Variants in OPRM1 observed in about 807,000 individuals in gnomAD.
The protein encoded by OPRM1 is opioid receptor mu 1.
Under a neutral mutation model 31.8 loss-of-function variants are expected in OPRM1, and 27 were observed. The ratio of observed to expected loss-of-function variants is 0.85; its 90% CI spans 0.63 to 1.17. The LOEUF (loss-of-function observed/expected upper bound fraction) is 1.17, where lower values mean the gene tolerates loss of function less well. Among genes scored for constraint, OPRM1 ranks in the 50% most tolerant of loss-of-function variants. The pLI is 0.00. For missense variants in OPRM1, 536 were observed against 511.1 expected, an observed-to-expected ratio of 1.05 and a Z score of -0.47; for synonymous variants, 196 against 189.9, an observed-to-expected ratio of 1.03 and a Z score of -0.26.
intron 3 of OPRM1, among the ~76,000 whole-genome samples, chr6:154,100,159 G>A (rs62436476): frequency 0.73 from 49,167 of 67,584 alleles, 18,723 homozygotes; most frequent in East Asian, 0.87. Flanking sequence ...ATATTATGAC[G>A]TATCATAATA....
At chr6:154,165,947 A>G (rs950195080) in intron 3 of OPRM1, among the ~76,000 whole-genome samples, 9 of 152,354 alleles carry the variant, frequency 5.9e-5, no homozygotes, top group Middle Eastern at 3.4e-3. Context: ...GCAACCTGAA[A>G]GGACCTGAAT....
chr6:154,195,653 A>G (rs1181263831), intron 3 of OPRM1, among the ~76,000 whole-genome samples: 3 of 151,796 alleles, frequency 2.0e-5, no homozygotes, highest in Non-Finnish European at 4.4e-5. Flanking sequence ...CTCTCTTTTA[A>G]ACCTCTCTCT....
At chr6:154,203,720 C>T (rs938532865) in intron 3 of OPRM1, among the ~76,000 whole-genome samples, 1 of 152,082 alleles carries the variant, frequency 6.6e-6, no homozygotes, top group Non-Finnish European at 1.5e-5. Context: ...TGATGAGCTA[C>T]CTGAGAACAG....
intron 3 of OPRM1, chr6:154,107,736 T>C (rs1190462975): frequency 1.1e-5 from 8 of 718,530 alleles, no homozygotes; most frequent in Non-Finnish European, 2.1e-5. Context: ...CCAGTTTTTT[T>C]GTTGGTTTCA....
chr6:154,084,721 T>C (rs1312452646), intron 1 of OPRM1, among the ~76,000 whole-genome samples: 1 of 152,158 alleles, frequency 6.6e-6, no homozygotes, highest in Non-Finnish European at 1.5e-5. Flanking sequence ...TCCAAGCACA[T>C]TGCTGAACAT....
At chr6:154,229,517 T>C (rs1189542424) in intron 3 of OPRM1, among the ~76,000 whole-genome samples, 1 of 149,042 alleles carries the variant, frequency 6.7e-6, no homozygotes, top group Non-Finnish European at 1.5e-5. Flanking sequence ...ACCCGGCTCA[T>C]TTTTTGTATT....
At chr6:154,152,390 A>AG (rs1798559728) in intron 3 of OPRM1, among the ~76,000 whole-genome samples, 36 of 126,288 alleles carry the variant, frequency 2.9e-4, no homozygotes, top group African/African-American at 4.0e-4. Context: ...GAAAGAAAGA[A>AG]AGAGAAATAG....
rs1016504777 is a variant in OPRM1, at chr6:154,129,272, T to C, written c.*10551T>C. Among the ~76,000 whole-genome samples, 1 of 152,250 alleles carries C rather than the reference T, an allele frequency of 6.6e-6. No homozygotes were observed. Among genetic ancestry groups the C allele is most frequent in the Non-Finnish European group, 1.5e-5 (1 of 68,042 alleles). Reference sequence around the variant, plus strand: ...CAGAACAGGACAGGGAGTTCTTCTATACAATAGAGAACAGAACAATGTTCT... The same window carrying C: ...CAGAACAGGACAGGGAGTTCTTCTACACAATAGAGAACAGAACAATGTTCT... On this transcript the variant is annotated 3_prime_UTR_variant, in exon 4 of 4. Coordinates refer to ENST00000330432, the MANE Select transcript of OPRM1 (RefSeq NM_000914.5).
chr6:154,013,518 A>G (rs527902748), intron 1 of OPRM1, among the ~76,000 whole-genome samples: 10 of 152,322 alleles, frequency 6.6e-5, no homozygotes, highest in Admixed American at 6.5e-4. Flanking sequence ...CATGGAGTTC[A>G]CATCAAAGAG....
chr6:154,192,087 G>A (rs1801941090), intron 3 of OPRM1, among the ~76,000 whole-genome samples: 1 of 152,150 alleles, frequency 6.6e-6, no homozygotes, highest in Non-Finnish European at 1.5e-5. Flanking sequence ...ATTACAAAGG[G>A]TTTCTGCATT....
At chr6:154,066,879 G>A (rs1785525703) in intron 1 of OPRM1, among the ~76,000 whole-genome samples, 1 of 152,134 alleles carries the variant, frequency 6.6e-6, no homozygotes, top group Non-Finnish European at 1.5e-5. Flanking sequence ...TATTGTAGTA[G>A]CTTAAGTAGA....
intron 1 of OPRM1, among the ~76,000 whole-genome samples, chr6:154,086,261 G>A (rs1005820903): frequency 3.9e-5 from 6 of 152,102 alleles, no homozygotes; most frequent in African/African-American, 1.4e-4. Context: ...TTAGAAGATC[G>A]TTGAGCCCCC....
intron 3 of OPRM1, among the ~76,000 whole-genome samples, chr6:154,111,721 T>G (rs917438202): frequency 9.9e-5 from 15 of 151,970 alleles, no homozygotes. Flanking sequence ...GGGTATTTGC[T>G]AGTTGACTTC....
chr6:154,079,086 G>A (rs1788527371), intron 1 of OPRM1, among the ~76,000 whole-genome samples: 1 of 152,142 alleles, frequency 6.6e-6, no homozygotes, highest in Non-Finnish European at 1.5e-5. Context: ...TGTGAGCCCT[G>A]CCTTTACCAA....
chr6:154,069,699 C>T (rs760688870), intron 1 of OPRM1, among the ~76,000 whole-genome samples: 58 of 152,146 alleles, frequency 3.8e-4, no homozygotes, highest in Admixed American at 5.9e-4. Context: ...AGATAAGGGT[C>T]TCATTTTATT....
intron 1 of OPRM1, among the ~76,000 whole-genome samples, chr6:154,079,819 C>A (rs1378621058): frequency 6.6e-6 from 1 of 152,146 alleles, no homozygotes; most frequent in Admixed American, 6.5e-5. Context: ...TGTGGATCCT[C>A]CCACCTTGGC....
At chr6:154,137,071 C>T (rs1331196333), downstream of OPRM1, among the ~76,000 whole-genome samples, 1 of 152,132 alleles carries the variant, frequency 6.6e-6, no homozygotes, top group Non-Finnish European at 1.5e-5. Flanking sequence ...ACTAGTATCT[C>T]GTTTCACAGA....
At chr6:154,223,316 A>G in intron 3 of OPRM1, 1 of 1,119,204 alleles carries the variant, frequency 8.9e-7, no homozygotes, top group African/African-American at 1.5e-5. Context: ...GATCATATAC[A>G]TGGAATAGGG....
chr6:154,210,819 T>G (rs1210149000), intron 3 of OPRM1, among the ~76,000 whole-genome samples: 1 of 152,238 alleles, frequency 6.6e-6, no homozygotes, highest in Non-Finnish European at 1.5e-5. Flanking sequence ...TAATCATATT[T>G]AATAGATAGT....
Sources: allele counts gnomAD v4.1 joint callset (sites outside exome capture counted in the v4.1 genomes callset), GRCh38; gene constraint gnomAD v4.1.1; transcripts MANE v1.5; gene names NCBI Gene and HGNC (gene_info 2026-07-23, HGNC 2026-07-21).